Variants in COL6A3 observed in about 807,000 individuals in gnomAD.
COL6A3 encodes collagen type VI alpha 3 chain, also known as collagen alpha-3(VI) chain.
In COL6A3, 137 loss-of-function variants were observed where a neutral mutation model predicts 274.1. The observed-to-expected ratio is 0.50, with a 90% CI of 0.44 to 0.58. The LOEUF is 0.58. COL6A3 is among the 20% of genes least tolerant of loss of function. The pLI is 0.00. For synonymous variants in COL6A3, 1,650 were observed against 1,650.6 expected, an observed-to-expected ratio of 1.00 and a Z score of 0.01; for missense variants, 3,950 against 4,124.9, an observed-to-expected ratio of 0.96 and a Z score of 1.16.
intron 1 of COL6A3, among the ~76,000 whole-genome samples, chr2:237,405,525 G>A (rs1251527567): frequency 6.6e-6 from 1 of 152,106 alleles, no homozygotes; most frequent in Non-Finnish European, 1.5e-5. Flanking sequence ...GAAGGAGAGA[G>A]GAGAGTGCTG....
At position 237,407,281 on chromosome 2, in the gene COL6A3, G is replaced by C. The variant is rs140442359; in HGVS notation, c.-31+6672C>G. Among the ~76,000 whole-genome samples the C allele has an allele frequency of 3.5e-3, 532 of 152,288 alleles. 1 individual carries two copies. Among genetic ancestry groups the C allele is most frequent in the Middle Eastern group, 0.017 (5 of 292 alleles). On this transcript the variant is annotated intron_variant, in intron 1 of 43. Coordinates refer to ENST00000295550, the MANE Select transcript of COL6A3 (RefSeq NM_004369.4). The surrounding 1 kb of genome is among the most constrained non-coding windows in gnomAD (Gnocchi z 4.3). Reference sequence around the variant, plus strand: ...TTGACTCAAACTGAATGTGTATCCTGTGATAGCAACATTTTAAAACTCTTC... The same window carrying C: ...TTGACTCAAACTGAATGTGTATCCTCTGATAGCAACATTTTAAAACTCTTC...
intron 38 of COL6A3, 50 bp downstream of exon 38, chr2:237,340,401 GC>G: frequency 6.5e-7 from 1 of 1,539,542 alleles, no homozygotes. Flanking sequence ...ACTTCTCCTG[GC>G]CCGAGCATAA....
chr2:237,333,346 A>T, intron 42 of COL6A3, 104 bp downstream of exon 42: 1 of 1,034,966 alleles, frequency 9.7e-7, no homozygotes, highest in Non-Finnish European at 1.5e-6. Flanking sequence ...TTTCCCCCAT[A>T]GAAGTCATGC....
intron 1 of COL6A3, among the ~76,000 whole-genome samples, chr2:237,397,198 AG>A (rs1445858796): frequency 4.9e-5 from 7 of 143,952 alleles, no homozygotes; most frequent in Non-Finnish European, 6.1e-5. Flanking sequence ...AGGGAAGGGA[AG>A]GAAGGAAGAA....
rs1699827942 is a variant in COL6A3, at chr2:237,324,518, C to T, written c.*256G>A. Reference sequence around the variant, plus strand: ...ATTGATAGGAATGTTCACATAAACACCAGCAGTGGCTAACTGTTACACAAC... The same window carrying T: ...ATTGATAGGAATGTTCACATAAACATCAGCAGTGGCTAACTGTTACACAAC... On this transcript the variant is annotated 3_prime_UTR_variant, in exon 44 of 44. Transcript: ENST00000295550. 6.2e-6 allele frequency: 3 copies of T among 481,102 alleles called. No individual in the cohort carries two copies. Among genetic ancestry groups the T allele is most frequent in the Non-Finnish European group, 7.5e-6 (2 of 265,354 alleles). 29.8% of individuals were successfully genotyped at this position (481,102 alleles called of 1,614,324 possible). A position where few individuals can be genotyped will look rare whatever the true frequency, so the allele number is the denominator to read the frequency against.
intron 3 of COL6A3, 124 bp downstream of exon 3, chr2:237,394,463 C>G (rs1458454039): frequency 2.5e-6 from 3 of 1,221,814 alleles, no homozygotes; most frequent in Admixed American, 3.7e-5. Flanking sequence ...GTTTTTAAAC[C>G]TGTGAACACT....
intron 1 of COL6A3, among the ~76,000 whole-genome samples, chr2:237,411,346 G>A (rs2078850877): frequency 6.6e-6 from 1 of 152,176 alleles, no homozygotes. Context: ...TCCTAAACAT[G>A]GAATTTCACA....
At chr2:237,330,723 C>T (rs947327854) in intron 42 of COL6A3, among the ~76,000 whole-genome samples, 1 of 152,212 alleles carries the variant, frequency 6.6e-6, no homozygotes, top group Admixed American at 6.5e-5. Context: ...GCATTACATG[C>T]CTGACTCACA....
intron 9 of COL6A3, among the ~76,000 whole-genome samples, chr2:237,370,037 T>A (rs961907761): frequency 4.6e-5 from 7 of 151,676 alleles, no homozygotes; most frequent in East Asian, 3.9e-4. Flanking sequence ...TTTTTTTTTT[T>A]AATTTTTTGG....
chr2:237,325,065 A>C (rs761282956), intron 43 of COL6A3, among the ~76,000 whole-genome samples: 1 of 152,096 alleles, frequency 6.6e-6, no homozygotes, highest in Non-Finnish European at 1.5e-5. Flanking sequence ...ACCATCTACC[A>C]GGCCTTTATA....
rs910466624 is a variant in COL6A3, at chr2:237,364,806, T to A, written c.5839-378A>T. On this transcript the variant is annotated intron_variant, in intron 12 of 43. Coordinates refer to ENST00000295550, the MANE Select transcript of COL6A3 (RefSeq NM_004369.4). This position sits in a 1 kb window ranked among gnomAD's most constrained non-coding sequence, Gnocchi z 4.6. The stretch of plus-strand genomic sequence containing the variant: ...TGTATGGGTGCATTGTGTGTGCATG[T>A]GTGTGCACGTGTGTGTGCATGTGTG... Among the ~76,000 whole-genome samples the A allele has an allele frequency of 9.9e-6, 1 of 100,878 alleles. No individual in the cohort carries two copies. Among genetic ancestry groups the A allele is most frequent in the Non-Finnish European group, 2.3e-5 (1 of 42,894 alleles). The allele number at this position is 100,878 out of a possible 152,430, so 66.2% of individuals were successfully genotyped here.
At chr2:237,383,251 T>C (rs867797180) in intron 4 of COL6A3, among the ~76,000 whole-genome samples, 2 of 152,202 alleles carry the variant, frequency 1.3e-5, no homozygotes, top group South Asian at 2.1e-4. Context: ...AAGGTCTATG[T>C]TCTAAGAGAA....
intron 4 of COL6A3, among the ~76,000 whole-genome samples, chr2:237,384,595 A>G (rs2078098028): frequency 6.6e-6 from 1 of 152,084 alleles, no homozygotes; most frequent in African/African-American, 2.4e-5. Flanking sequence ...GACCCCCATC[A>G]GGAGACCTGT....
intron 42 of COL6A3, among the ~76,000 whole-genome samples, chr2:237,332,164 T>C (rs930400752): frequency 6.1e-5 from 8 of 131,126 alleles, no homozygotes; most frequent in Non-Finnish European, 1.1e-4. Context: ...CTGAAAGACA[T>C]TGTTGTTTAT....
intron 12 of COL6A3, 152 bp downstream of exon 12, chr2:237,365,546 T>G: frequency 1.4e-6 from 1 of 738,040 alleles, no homozygotes; most frequent in Non-Finnish European, 2.4e-6. Context: ...GTACATGACA[T>G]TAGATCAGTT....
chr2:237,365,195 C>G (rs1354492008), intron 12 of COL6A3, among the ~76,000 whole-genome samples: 1 of 149,928 alleles, frequency 6.7e-6, no homozygotes, highest in African/African-American at 2.5e-5. Context: ...ACAAGCCAAG[C>G]AGAGAAGACT....
At chr2:237,346,045 C>T (rs1483937075) in intron 32 of COL6A3, among the ~76,000 whole-genome samples, 2 of 152,178 alleles carry the variant, frequency 1.3e-5, no homozygotes, top group Admixed American at 1.3e-4. Context: ...GGAGGATGCC[C>T]TCCTGGCTCC....
At chr2:237,369,238 G>C in intron 9 of COL6A3, 61 bp from the exon 10 acceptor site, 7 of 1,591,340 alleles carry the variant, frequency 4.4e-6, no homozygotes, top group Non-Finnish European at 4.3e-6. Flanking sequence ...ACCCAGGTTT[G>C]GTGTGCACCT....
rs569662223 is a variant in COL6A3 at position 237,344,662 on chromosome 2, G to C, written c.7356C>G (p.Asn2452Lys). 14 of 1,612,696 alleles carry C rather than the reference G, an allele frequency of 8.7e-6. No individual in the cohort carries two copies. The highest frequency in any genetic ancestry group is 5.0e-5 in the Admixed American group (3 of 59,934). The change falls in exon 36 of 44, where the codon AAC becomes AAG. Residue 2452 changes from asparagine (N) to lysine (K), a missense_variant. Asn to Lys is a moderately conservative substitution (Grantham distance 94, BLOSUM62 0). This residue lies in a region of COL6A3 where 1,284 missense variants were observed against 1,349.7 expected (regional missense o/e 0.95). Transcript: ENST00000295550. The surrounding 1 kb of genome is among the most constrained non-coding windows in gnomAD (Gnocchi z 4.8). ...GARVAVVTYN[N>K]EVTTEIRFAD... Reference sequence around the variant, plus strand: ...CAAACCGGATCTCCGTGGTCACCTCGTTGTTGTAGGTGACCACAGCCACCC... The same window carrying C: ...CAAACCGGATCTCCGTGGTCACCTCCTTGTTGTAGGTGACCACAGCCACCC...
Sources: allele counts gnomAD v4.1 joint callset (sites outside exome capture counted in the v4.1 genomes callset), GRCh38; gene constraint gnomAD v4.1.1; regional missense constraint gnomAD v4.1.1; non-coding constraint Gnocchi (gnomAD v3.1); transcripts MANE v1.5; gene names NCBI Gene and HGNC (gene_info 2026-07-23, HGNC 2026-07-21).